Variants in ARHGEF3 observed in about 807,000 individuals in gnomAD.
ARHGEF3 encodes 59.8 kDA protein.
In ARHGEF3, 28 loss-of-function variants were observed where a neutral mutation model predicts 63.2. The observed-to-expected ratio is 0.44, with a 90% CI of 0.33 to 0.61. The LOEUF is 0.61. ARHGEF3 is among the 20% of genes least tolerant of loss of function. The probability of loss-of-function intolerance (pLI) is 0.03; values close to 1 mark genes in which losing one functional copy is unlikely to be tolerated. For synonymous variants in ARHGEF3, 266 were observed against 254.2 expected (o/e 1.05, Z -0.44); for missense variants, 533 against 659.3 (o/e 0.81, Z 2.10).
At chr3:57,031,222 G>A (rs180798878) in intron 2 of ARHGEF3, among the ~76,000 whole-genome samples, 8 of 152,304 alleles carry the variant, frequency 5.3e-5, no homozygotes, top group African/African-American at 1.9e-4. Context: ...GTAGCCCCAT[G>A]AGGTTTGCAG....
intron 4 of ARHGEF3, among the ~76,000 whole-genome samples, chr3:56,828,583 A>G (rs771190616): frequency 2.6e-5 from 4 of 152,128 alleles, no homozygotes; most frequent in Non-Finnish European, 5.9e-5. Context: ...GGTGTTCATT[A>G]TACTATATCA....
intron 3 of ARHGEF3, among the ~76,000 whole-genome samples, chr3:56,900,994 T>C (rs183979485): frequency 6.6e-6 from 1 of 152,338 alleles, no homozygotes. Context: ...TATGACATTA[T>C]GTGGCCAAAG....
In ARHGEF3 at chr3:56,910,502, C is replaced by CAT. The variant is rs1024510891; in HGVS notation, c.130-28150_130-28149dup. Among the ~76,000 whole-genome samples the CAT allele has an allele frequency of 2.6e-5, 4 of 152,254 alleles. 1 individual carries two copies. Among genetic ancestry groups the CAT allele is most frequent in the East Asian group, 1.9e-4 (1 of 5,184 alleles). ...CTGGTGATATAATATAATCTCAGAC[C>CAT]ATATGCAATAGACCTGTATATATTT... On this transcript the variant is annotated intron_variant, in intron 3 of 12. Coordinates refer to the ARHGEF3 transcript ENST00000338458.
At chr3:56,960,398 T>C (rs929418850) in intron 2 of ARHGEF3, among the ~76,000 whole-genome samples, 2 of 152,194 alleles carry the variant, frequency 1.3e-5, no homozygotes, top group Non-Finnish European at 2.9e-5. Flanking sequence ...TTATTAGCGC[T>C]GTGACTCTGA....
At chr3:56,906,193 G>A (rs1458838141) in intron 3 of ARHGEF3, among the ~76,000 whole-genome samples, 2 of 152,108 alleles carry the variant, frequency 1.3e-5, no homozygotes, top group African/African-American at 4.8e-5. Context: ...ACATGTGACT[G>A]TTTAAATTCA....
At chr3:56,838,049 A>G (rs965993366) in intron 4 of ARHGEF3, among the ~76,000 whole-genome samples, 1 of 152,226 alleles carries the variant, frequency 6.6e-6, no homozygotes, top group African/African-American at 2.4e-5. Context: ...AATGTTTATC[A>G]CAGGAAAATA....
chr3:56,923,048 A>ATATATG (rs1459752431), intron 3 of ARHGEF3, among the ~76,000 whole-genome samples: 8 of 79,242 alleles, frequency 1.0e-4, no homozygotes, highest in Non-Finnish European at 1.9e-4. Context: ...ATATATATAT[A>ATATATG]TATATATATA....
Position 56,729,345 on chromosome 3 carries a change from G to A in ARHGEF3, c.1506C>T (p.Val502=), listed in dbSNP as rs772336285. Residue 502 remains valine (V), a synonymous_variant, in exon 10 of 10, where the codon GTC becomes GTT. Coordinates refer to ENST00000296315, the MANE Select transcript of ARHGEF3 (RefSeq NM_019555.3). The part of the protein sequence containing the change: ...ESDCSMDTSE[V]SLDCERMEQT... Reference sequence around the variant, plus strand: ...GTTCCATGCGCTCACAGTCGAGGCTGACCTCACTCGTGTCCATACTACAGT... The same window carrying A: ...GTTCCATGCGCTCACAGTCGAGGCTAACCTCACTCGTGTCCATACTACAGT... 4 of 1,614,088 alleles carry A rather than the reference G, an allele frequency of 2.5e-6. No individual in the cohort carries two copies. The East Asian group carries it at 6.7e-5, about 27-fold the overall frequency.
intron 7 of ARHGEF3, among the ~76,000 whole-genome samples, chr3:56,740,149 T>C (rs1408871198): frequency 6.6e-6 from 1 of 151,726 alleles, no homozygotes; most frequent in Non-Finnish European, 1.5e-5. Context: ...CTGCCTGCCT[T>C]GGCCTCCCTA....
intron 5 of ARHGEF3, 81 bp downstream of exon 5, chr3:56,751,219 G>A (rs2034722184): frequency 6.5e-7 from 1 of 1,535,620 alleles, no homozygotes. Flanking sequence ...CACATTGCAG[G>A]CAATTAATAA....
intron 8 of ARHGEF3, among the ~76,000 whole-genome samples, chr3:56,734,212 C>T (rs1357886905): frequency 6.6e-6 from 1 of 152,100 alleles, no homozygotes; most frequent in East Asian, 1.9e-4. Context: ...AGACTCTTCT[C>T]ACACTTTGGA....
intron 2 of ARHGEF3, among the ~76,000 whole-genome samples, chr3:56,967,109 T>G (rs1700532097): frequency 6.7e-6 from 1 of 148,344 alleles, no homozygotes; most frequent in African/African-American, 2.5e-5. Context: ...GTGATCTGCC[T>G]GCCTCGGCCT....
intron 2 of ARHGEF3, among the ~76,000 whole-genome samples, chr3:57,024,486 T>A (rs1703389630): frequency 6.6e-6 from 1 of 151,602 alleles, no homozygotes; most frequent in South Asian, 2.1e-4. Context: ...GTAAGAGCAA[T>A]TTTGTTTTTT....
chr3:56,918,560 G>A (rs2042043327), intron 3 of ARHGEF3, among the ~76,000 whole-genome samples: 2 of 45,436 alleles, frequency 4.4e-5, no homozygotes, highest in Admixed American at 1.7e-4. Context: ...TGCCCTGGCA[G>A]GGGAAAGGGA....
rs148964173 is a variant in ARHGEF3 at position 57,058,618 on chromosome 3, T to C, written c.-28+20608A>G. On this transcript the variant is annotated intron_variant, in intron 1 of 12. Coordinates refer to the ARHGEF3 transcript ENST00000338458. ...CAGGGATCTAGAACTAGAAATACCA[T>C]TTGACCCAGCCATCCCACTACTGGG... 9.7e-3 allele frequency among the ~76,000 whole-genome samples: 1,476 copies of C among 152,198 alleles called. 35 individuals carry two copies. The highest frequency in any genetic ancestry group is 0.034 in the African/African-American group (1,395 of 41,512).
At position 57,040,574 on chromosome 3, in the gene ARHGEF3, T is replaced by A. The variant is rs146755635; in HGVS notation, c.-27-5398A>T. The stretch of plus-strand genomic sequence containing the variant: ...GCGGTTCTAGTGGGGGAGTGGTGGC[T>A]GGAAGAGGAATGATGGGGCTTCTGG... On this transcript the variant is annotated intron_variant, in intron 1 of 12. Coordinates refer to the ARHGEF3 transcript ENST00000338458. Among the ~76,000 whole-genome samples, 237 of 151,978 alleles carry A rather than the reference T, an allele frequency of 1.6e-3. 3 individuals are homozygous for A. In the East Asian group the frequency reaches 0.045, roughly 29 times the overall value.
chr3:57,024,637 G>A (rs1448808837), intron 2 of ARHGEF3, among the ~76,000 whole-genome samples: 2 of 151,964 alleles, frequency 1.3e-5, no homozygotes, highest in African/African-American at 2.4e-5. Context: ...ACAGGCACCC[G>A]CCACCACACC....
At chr3:56,839,784 T>C (rs1266516186) in intron 4 of ARHGEF3, among the ~76,000 whole-genome samples, 6 of 152,106 alleles carry the variant, frequency 3.9e-5, no homozygotes, top group African/African-American at 1.2e-4. Context: ...CCTAGAAAGC[T>C]ACCCTCCTTT....
intron 1 of ARHGEF3, among the ~76,000 whole-genome samples, chr3:57,068,077 G>A (rs945536896): frequency 6.6e-6 from 1 of 152,066 alleles, no homozygotes; most frequent in Non-Finnish European, 1.5e-5. Context: ...GGAGGCCAAG[G>A]CAAGAGGATC....
Sources: gnomAD v4.1 joint callset for allele counts (sites outside exome capture counted in the v4.1 genomes callset) on GRCh38, gnomAD v4.1.1 for gene constraint, MANE v1.5 for transcripts, NCBI Gene and HGNC (gene_info 2026-07-23, HGNC 2026-07-21) for gene names.